The following OPCML variants were observed in gnomAD, a reference collection of about 807,000 sequenced individuals.
The protein encoded by OPCML is opioid binding protein/cell adhesion molecule like, also known as opioid-binding protein/cell adhesion molecule.
OPCML carries 13 observed loss-of-function variants against 37.8 expected under a neutral mutation model. The ratio of observed to expected loss-of-function variants is 0.34; its 90% CI spans 0.22 to 0.55. The LOEUF is 0.55. OPCML is among the 20% of genes least tolerant of loss of function. OPCML has a pLI of 0.91. For missense variants in OPCML, 341 were observed against 435.6 expected (o/e 0.78, Z 1.93); for synonymous variants, 176 against 168.8 (o/e 1.04, Z -0.33).
chr11:132,978,100 G>A (rs66488763), intron 1 of OPCML, among the ~76,000 whole-genome samples: 12,325 of 152,140 alleles, frequency 0.081, 1,053 homozygotes, highest in East Asian at 0.35. Context: ...ACCGGATGCC[G>A]GCGGGCTAAA....
Position 132,469,912 on chromosome 11 carries a change from A to C in OPCML, c.506-32553T>G, listed in dbSNP as rs1401206178. Among the ~76,000 whole-genome samples the C allele has an allele frequency of 4.2e-5, 4 of 96,092 alleles. No individual in the cohort carries two copies. The Admixed American group carries it at 4.6e-4, about 11-fold the overall frequency. The allele number at this position is 96,092 out of a possible 152,430, so 63.0% of individuals were successfully genotyped here. ...TGTGTGTGTAGGTATGTGTCTGTAT[A>C]TGTGTGTATGTGTGTGGGGGGAGTG... is the stretch of plus-strand genomic sequence containing the variant. On this transcript the variant is annotated intron_variant, in intron 4 of 7. Coordinates refer to ENST00000524381, the MANE Select transcript of OPCML (RefSeq NM_001012393.5).
intron 1 of OPCML, among the ~76,000 whole-genome samples, chr11:133,434,892 T>TA (rs1211302888): frequency 6.7e-6 from 1 of 149,112 alleles, no homozygotes; most frequent in Admixed American, 6.7e-5. Flanking sequence ...ACATACTTTT[T>TA]AAAATAACAT....
chr11:132,631,136 T>A (rs1324374324), intron 3 of OPCML, among the ~76,000 whole-genome samples: 2 of 151,850 alleles, frequency 1.3e-5, no homozygotes, highest in East Asian at 3.9e-4. Context: ...ACGTAATATT[T>A]CCTTAAGTTC....
rs1056471543 is a variant in OPCML, at chr11:133,173,972, T to C, written c.62-230962A>G. On this transcript the variant is annotated intron_variant, in intron 1 of 7. Transcript: ENST00000524381. This position sits in a 1 kb window ranked among gnomAD's most constrained non-coding sequence, Gnocchi z 7.8. ...TCTACAAGGATCCCCAGTCAGCCAA[T>C]GCACCGGGACGCTGACATAAATCAG... 3.9e-5 allele frequency among the ~76,000 whole-genome samples: 6 copies of C among 152,126 alleles called. No individual in the cohort carries two copies. The highest frequency in any genetic ancestry group is 1.3e-4 in the Admixed American group (2 of 15,280).
chr11:133,515,180 A>T (rs1948239269), intron 1 of OPCML, among the ~76,000 whole-genome samples: 2 of 152,244 alleles, frequency 1.3e-5, no homozygotes, highest in African/African-American at 4.8e-5. Context: ...AGAGCAGGTC[A>T]GAGGTGCAGT....
intron 3 of OPCML, among the ~76,000 whole-genome samples, chr11:132,598,609 A>G (rs544660830): frequency 1.3e-4 from 20 of 152,306 alleles, no homozygotes; most frequent in Non-Finnish European, 2.2e-4. Context: ...AAGTTGGTAC[A>G]TAATGTTTGG....
chr11:133,343,234 G>A (rs1367897271), intron 1 of OPCML, among the ~76,000 whole-genome samples: 1 of 152,076 alleles, frequency 6.6e-6, no homozygotes, highest in African/African-American at 2.4e-5. Context: ...CATGCTCATG[G>A]TGTAGTCACC....
intron 1 of OPCML, among the ~76,000 whole-genome samples, chr11:133,325,869 T>C (rs755927288): frequency 3.9e-5 from 6 of 152,192 alleles, no homozygotes; most frequent in Non-Finnish European, 1.5e-5. Context: ...CCCTCTGTTC[T>C]GGACTCCACC....
intron 7 of OPCML, among the ~76,000 whole-genome samples, chr11:132,425,053 A>C (rs1032520674): frequency 6.6e-6 from 1 of 152,122 alleles, no homozygotes; most frequent in Admixed American, 6.5e-5. Context: ...TCAAAGGGTA[A>C]TGTGTCCATC....
intron 1 of OPCML, among the ~76,000 whole-genome samples, chr11:133,149,970 T>C (rs1189701357): frequency 6.6e-6 from 1 of 152,158 alleles, no homozygotes; most frequent in Non-Finnish European, 1.5e-5. Context: ...AAGCGTCTGG[T>C]GCTTGTGTTC....
At chr11:133,417,168 G>A (rs1945786775) in intron 1 of OPCML, among the ~76,000 whole-genome samples, 1 of 152,142 alleles carries the variant, frequency 6.6e-6, no homozygotes, top group African/African-American at 2.4e-5. Context: ...TTAAGAGAGT[G>A]TTTCCCTGAG....
At chr11:132,980,108 G>A (rs188965024) in intron 1 of OPCML, among the ~76,000 whole-genome samples, 12 of 152,222 alleles carry the variant, frequency 7.9e-5, no homozygotes, top group Admixed American at 4.6e-4. Context: ...AAAGAAATAC[G>A]GATGGCAAAT....
At chr11:132,536,928 C>T (rs1047291245) in intron 3 of OPCML, among the ~76,000 whole-genome samples, 1 of 152,124 alleles carries the variant, frequency 6.6e-6, no homozygotes, top group African/African-American at 2.4e-5. Flanking sequence ...CACTTGTGTG[C>T]TCATATGTTT....
At chr11:133,325,185 C>T (rs1046247941) in intron 1 of OPCML, among the ~76,000 whole-genome samples, 1 of 152,212 alleles carries the variant, frequency 6.6e-6, no homozygotes, top group East Asian at 1.9e-4. Context: ...AAGCCCAGTA[C>T]ATTCTCACTG....
At chr11:132,854,305 T>C (rs1012695872) in intron 2 of OPCML, among the ~76,000 whole-genome samples, 14 of 152,210 alleles carry the variant, frequency 9.2e-5, no homozygotes, top group Non-Finnish European at 1.9e-4. Flanking sequence ...GGCATTTGGA[T>C]GTGTTCTTGT....
chr11:133,298,028 T>C, intron 1 of OPCML: 1 of 152,446 alleles, frequency 6.6e-6, no homozygotes, highest in East Asian at 1.9e-4. Context: ...CCTTCTCCCC[T>C]TCTTTCTTCT....
intron 1 of OPCML, among the ~76,000 whole-genome samples, chr11:133,286,470 CAAAAAAAAAAA>C (rs60645863): frequency 3.9e-5 from 2 of 51,304 alleles, no homozygotes; most frequent in African/African-American, 1.3e-4. Flanking sequence ...CTGTGTCTCA[CAAAAAAAAAAA>C]AAAAAAAAAA....
intron 2 of OPCML, among the ~76,000 whole-genome samples, chr11:132,686,574 A>G (rs1254153139): frequency 6.6e-6 from 1 of 152,214 alleles, no homozygotes; most frequent in Non-Finnish European, 1.5e-5. Flanking sequence ...TGGCCAGCAC[A>G]TGGGTTCTCT....
rs142903851 is a variant in OPCML, at chr11:132,471,352, A to G, written c.506-33993T>C. ...CTCTTGACTCAGTTATCTATTAATT[A>G]TCTATTGCTGCATACCCCAGGCTTA... On this transcript the variant is annotated intron_variant, in intron 4 of 7. Coordinates refer to ENST00000524381, the MANE Select transcript of OPCML (RefSeq NM_001012393.5). Among the ~76,000 whole-genome samples the G allele has an allele frequency of 4.8e-4, 73 of 152,264 alleles. 1 individual carries two copies. In the East Asian group the frequency reaches 0.014, roughly 29 times the overall value.
Sources: allele counts gnomAD v4.1 joint callset (sites outside exome capture counted in the v4.1 genomes callset), GRCh38; gene constraint gnomAD v4.1.1; non-coding constraint Gnocchi (gnomAD v3.1); transcripts MANE v1.5; gene names NCBI Gene and HGNC (gene_info 2026-07-23, HGNC 2026-07-21).